Variants in AK4 observed in about 807,000 individuals in gnomAD.
AK4 encodes adenylate kinase 4, mitochondrial.
In AK4, 13 loss-of-function variants were observed where a neutral mutation model predicts 24.6. The ratio of observed to expected loss-of-function variants is 0.53; its 90% CI spans 0.34 to 0.84. The LOEUF is 0.84. Ranked by LOEUF, AK4 falls within the 40% of genes least tolerant of loss-of-function variation. The pLI, the probability that AK4 is intolerant of heterozygous loss-of-function variation, is 0.01. For synonymous variants in AK4, 88 were observed against 107.0 expected (o/e 0.82, Z 1.10); for missense variants, 192 against 288.2 (o/e 0.67, Z 2.42).
At chr1:65,201,618 A>C (rs1405435352) in intron 2 of AK4, among the ~76,000 whole-genome samples, 1 of 152,206 alleles carries the variant, frequency 6.6e-6, no homozygotes, top group Non-Finnish European at 1.5e-5. Flanking sequence ...CTGACCTCAT[A>C]GTCCAGGAGT....
At chr1:65,172,943 A>G (rs563695517) in intron 1 of AK4, among the ~76,000 whole-genome samples, 2 of 146,286 alleles carry the variant, frequency 1.4e-5, no homozygotes, top group Non-Finnish European at 3.0e-5. Context: ...GCTCACTGCA[A>G]CCTCCACTTT....
chr1:65,220,413 G>C (rs774510701), intron 3 of AK4, among the ~76,000 whole-genome samples: 6 of 152,154 alleles, frequency 3.9e-5, no homozygotes, highest in Admixed American at 6.5e-5. Flanking sequence ...TTAGATTTCA[G>C]CCGTTCTGCT....
chr1:65,163,527 C>G (rs1294395501), intron 1 of AK4, among the ~76,000 whole-genome samples: 2 of 152,230 alleles, frequency 1.3e-5, no homozygotes, highest in African/African-American at 4.8e-5. Flanking sequence ...AGTATGGCCA[C>G]TGGTATTGGC....
At chr1:65,162,482 T>C (rs1650199936) in intron 1 of AK4, among the ~76,000 whole-genome samples, 1 of 152,178 alleles carries the variant, frequency 6.6e-6, no homozygotes, top group Non-Finnish European at 1.5e-5. Flanking sequence ...TTGTTACTTT[T>C]ATTTTTTATA....
At chr1:65,208,436 G>C (rs763486069) in intron 2 of AK4, among the ~76,000 whole-genome samples, 6 of 152,204 alleles carry the variant, frequency 3.9e-5, no homozygotes, top group Non-Finnish European at 5.9e-5. Context: ...TCCTGGGCTA[G>C]GGAAGGCTGT....
intron 2 of AK4, among the ~76,000 whole-genome samples, chr1:65,205,935 A>G (rs1046221292): frequency 2.0e-5 from 3 of 152,152 alleles, no homozygotes; most frequent in African/African-American, 7.2e-5. Flanking sequence ...TGTATGTGCC[A>G]TGCACCTGTG....
chr1:65,185,803 C>T (rs185268400), intron 1 of AK4, among the ~76,000 whole-genome samples: 10 of 151,980 alleles, frequency 6.6e-5, no homozygotes, highest in South Asian at 4.2e-4. Flanking sequence ...TTAGTAGAGA[C>T]GGGGTTTCTC....
chr1:65,221,211 G>A (rs7548127), intron 3 of AK4, among the ~76,000 whole-genome samples: 2 of 151,844 alleles, frequency 1.3e-5, no homozygotes, highest in African/African-American at 2.4e-5. Flanking sequence ...AATAGTGAAC[G>A]CCAGTTTTGG....
intron 1 of AK4, 64 bp downstream of exon 1, chr1:65,148,616 G>A (rs1649652517): frequency 2.7e-6 from 4 of 1,466,670 alleles, no homozygotes; most frequent in Admixed American, 4.8e-5. Flanking sequence ...GGCCCTGGAG[G>A]GACTGGGGCT....
chr1:65,218,871 T>G lies in AK4; in HGVS notation c.383T>G (p.Ile128Ser). 1.9e-6 allele frequency: 3 copies of G among 1,610,366 alleles called. No homozygotes were observed. Among genetic ancestry groups the G allele is most frequent in the South Asian group, 2.2e-5 (2 of 90,522 alleles). ...AAAGATCGTCTCAGCCGCCGTTGGA[T>G]TCACCCTCCTAGCGGAAGGGTATAT... ...TLKDRLSRRW[I>S]HPPSGRVYNL... Residue 128 changes from isoleucine (I) to serine (S), a missense_variant, in exon 3 of 5, where the codon ATT becomes AGT. By Grantham distance (142) the Ile-to-Ser change is moderately radical (BLOSUM62 -2). Coordinates refer to ENST00000327299, the MANE Select transcript of AK4 (RefSeq NM_013410.4).
chr1:65,160,810 G>T (rs1176232491), intron 1 of AK4, among the ~76,000 whole-genome samples: 2 of 152,146 alleles, frequency 1.3e-5, no homozygotes, highest in Non-Finnish European at 2.9e-5. Context: ...GCCCAGGCTG[G>T]TCTTGCATTT....
At chr1:65,208,334 G>A (rs557903859) in intron 2 of AK4, among the ~76,000 whole-genome samples, 1 of 152,268 alleles carries the variant, frequency 6.6e-6, no homozygotes, top group East Asian at 1.9e-4. Context: ...GAAAGTATAC[G>A]ATAGGAGAGA....
chr1:65,161,304 G>A (rs778905882), intron 1 of AK4, among the ~76,000 whole-genome samples: 1 of 152,082 alleles, frequency 6.6e-6, no homozygotes, highest in African/African-American at 2.4e-5. Context: ...CCAGCATTAG[G>A]TATGGGGAGG....
intron 2 of AK4, among the ~76,000 whole-genome samples, chr1:65,192,644 T>C (rs764092287): frequency 8.4e-4 from 128 of 152,310 alleles, no homozygotes; most frequent in Non-Finnish European, 1.2e-3. Flanking sequence ...TGGGTGAGAC[T>C]TATAAAGTAC....
intron 1 of AK4, among the ~76,000 whole-genome samples, chr1:65,184,663 A>G (rs534884959): frequency 1.1e-4 from 17 of 152,356 alleles, no homozygotes; most frequent in Middle Eastern, 3.4e-3. Flanking sequence ...TGCTATCATC[A>G]GCATTTAATG....
chr1:65,185,687 C>T (rs541636643), intron 1 of AK4, among the ~76,000 whole-genome samples: 1 of 147,732 alleles, frequency 6.8e-6, no homozygotes, highest in East Asian at 2.0e-4. Context: ...GATCTTGGCT[C>T]ACTGTAACCT....
chr1:65,226,034 G>T (rs778724734), intron 4 of AK4, 29 bp from the exon 5 acceptor site: 1 of 1,609,362 alleles, frequency 6.2e-7, no homozygotes, highest in Non-Finnish European at 8.5e-7. Flanking sequence ...AACCTAAAAA[G>T]CCATTGTATG....
intron 1 of AK4, among the ~76,000 whole-genome samples, chr1:65,155,396 C>T (rs1302025083): frequency 6.6e-6 from 1 of 151,952 alleles, no homozygotes; most frequent in South Asian, 2.1e-4. Context: ...TCGCTTGAAT[C>T]CAGGAGGCAG....
intron 1 of AK4, among the ~76,000 whole-genome samples, chr1:65,183,650 CGT>C (rs56067788): frequency 0.12 from 17,275 of 140,502 alleles, 960 homozygotes; most frequent in African/African-American, 0.15. Context: ...TATAAATATC[CGT>C]GTGTGTGTGT....
Sources: gnomAD v4.1 joint callset for allele counts (sites outside exome capture counted in the v4.1 genomes callset) on GRCh38, gnomAD v4.1.1 for gene constraint, MANE v1.5 for transcripts, NCBI Gene and HGNC (gene_info 2026-07-23, HGNC 2026-07-21) for gene names.